The following NDST4 variants were observed in gnomAD, a reference collection of about 807,000 sequenced individuals.
NDST4 encodes N-heparan sulfate sulfotransferase 4.
A neutral mutation model predicts 100.8 loss-of-function variants in NDST4; 63 were observed. That is an observed-to-expected ratio of 0.62 (90% CI 0.51 to 0.77). The LOEUF is 0.77. Among genes scored for constraint, NDST4 ranks in the 30% least tolerant of loss-of-function variants. The pLI is 0.00. For missense variants in NDST4, 943 were observed against 1,018.4 expected (o/e 0.93, Z 1.01); for synonymous variants, 377 against 361.8 (o/e 1.04, Z -0.48).
intron 6 of NDST4, among the ~76,000 whole-genome samples, chr4:114,929,543 C>G (rs1366257153): frequency 6.6e-6 from 1 of 152,138 alleles, no homozygotes; most frequent in African/African-American, 2.4e-5. Flanking sequence ...CATCAATTTA[C>G]AATGACAAAG....
rs1578449236 is a variant in NDST4 at position 115,008,903 on chromosome 4, G to A, written c.979-31629C>T. Among the ~76,000 whole-genome samples, 2 of 127,860 alleles carry A rather than the reference G, an allele frequency of 1.6e-5. 1 individual carries two copies. Among genetic ancestry groups the A allele is most frequent in the East Asian group, 5.0e-4 (2 of 3,988 alleles). The allele number at this position is 127,860 out of a possible 152,430, so 83.9% of individuals were successfully genotyped here. ...TATACACCAATAACAGACAAACAGA[G>A]AGCCAAATCACGAGTGAACTCCTAT... On this transcript the variant is annotated intron_variant, in intron 2 of 13. Transcript: ENST00000264363.
At chr4:114,960,190 A>G (rs552826264) in intron 4 of NDST4, among the ~76,000 whole-genome samples, 175 of 152,356 alleles carry the variant, frequency 1.1e-3, no homozygotes, top group Middle Eastern at 3.4e-3. Context: ...TAGCGGTGAA[A>G]TAAATACATT....
At chr4:114,960,817 T>C (rs1726246347) in intron 4 of NDST4, among the ~76,000 whole-genome samples, 1 of 151,990 alleles carries the variant, frequency 6.6e-6, no homozygotes. Context: ...CAAGAACAAA[T>C]GAAGAGTAGA....
intron 6 of NDST4, among the ~76,000 whole-genome samples, chr4:114,875,950 A>G (rs189432844): frequency 6.6e-6 from 1 of 152,336 alleles, no homozygotes; most frequent in East Asian, 1.9e-4. Context: ...ATTGAAATTA[A>G]AAATCATTTT....
chr4:115,051,756 T>A (rs150640854), intron 2 of NDST4, among the ~76,000 whole-genome samples: 2 of 150,758 alleles, frequency 1.3e-5, no homozygotes, highest in African/African-American at 4.9e-5. Flanking sequence ...GTTGATTTTG[T>A]TCCTTTTGGA....
intron 2 of NDST4, among the ~76,000 whole-genome samples, chr4:115,012,115 A>G (rs968729836): frequency 1.3e-5 from 2 of 151,902 alleles, no homozygotes; most frequent in Non-Finnish European, 2.9e-5. Flanking sequence ...AAATAAAACA[A>G]TAACAAAAAA....
chr4:114,979,850 GA>G (rs532780417), intron 2 of NDST4, among the ~76,000 whole-genome samples: 5 of 151,536 alleles, frequency 3.3e-5, no homozygotes, highest in Admixed American at 1.3e-4. Context: ...CAAAACGAAT[GA>G]AAAAAAAGCA....
chr4:114,954,666 T>G (rs905417221), intron 4 of NDST4, among the ~76,000 whole-genome samples: 24 of 152,254 alleles, frequency 1.6e-4, no homozygotes, highest in Admixed American at 5.2e-4. Flanking sequence ...TTTCCTGGCT[T>G]TTATAATTTG....
At chr4:114,909,378 T>C (rs1343662059) in intron 6 of NDST4, among the ~76,000 whole-genome samples, 2 of 152,102 alleles carry the variant, frequency 1.3e-5, no homozygotes, top group African/African-American at 4.8e-5. Flanking sequence ...GCTAAATTAT[T>C]GGCCGGGCGC....
At chr4:115,112,745 A>G (rs889316744) in intron 1 of NDST4, among the ~76,000 whole-genome samples, 1 of 152,070 alleles carries the variant, frequency 6.6e-6, no homozygotes, top group East Asian at 1.9e-4. Context: ...TTGTTTTCCA[A>G]CTTATTCTGT....
rs188357145 is a variant in NDST4, at chr4:115,079,950, T to G, written c.-246-2668A>C. ...TAAACTTTTTCAAAAAATTAAAAAT[T>G]TTCATCAAATATTTTAAATATTTTA... On this transcript the variant is annotated intron_variant, in intron 1 of 13. Transcript: ENST00000264363. 6.5e-3 allele frequency among the ~76,000 whole-genome samples: 997 copies of G among 152,220 alleles called. 5 individuals are homozygous for G. Among genetic ancestry groups the G allele is most frequent in the Non-Finnish European group, 0.012 (794 of 68,012 alleles).
At chr4:114,882,224 G>T (rs1286822747) in intron 6 of NDST4, among the ~76,000 whole-genome samples, 1 of 151,696 alleles carries the variant, frequency 6.6e-6, no homozygotes, top group Non-Finnish European at 1.5e-5. Context: ...GTGGGTCAGG[G>T]TGACACTAGG....
chr4:114,953,161 A>G (rs950071078), intron 4 of NDST4, among the ~76,000 whole-genome samples: 1 of 152,118 alleles, frequency 6.6e-6, no homozygotes, highest in African/African-American at 2.4e-5. Flanking sequence ...GACTATGCAC[A>G]AGTCACATAA....
At chr4:114,861,990 A>G (rs1723928025) in intron 7 of NDST4, among the ~76,000 whole-genome samples, 1 of 152,188 alleles carries the variant, frequency 6.6e-6, no homozygotes, top group Non-Finnish European at 1.5e-5. Context: ...TTATATATAT[A>G]AGTATAGTTA....
intron 6 of NDST4, among the ~76,000 whole-genome samples, chr4:114,893,113 A>T (rs1724634940): frequency 6.6e-6 from 1 of 152,096 alleles, no homozygotes; most frequent in South Asian, 2.1e-4. Context: ...CATGGTGTAT[A>T]TGTAGCACAT....
At chr4:115,033,182 C>A in intron 2 of NDST4, among the ~76,000 whole-genome samples, 1 of 133,350 alleles carries the variant, frequency 7.5e-6, no homozygotes, top group Non-Finnish European at 1.6e-5. Context: ...GAAACAGGGT[C>A]TCACTCTTTT....
intron 6 of NDST4, among the ~76,000 whole-genome samples, chr4:114,875,230 C>T (rs1329706434): frequency 1.3e-5 from 2 of 152,164 alleles, no homozygotes; most frequent in East Asian, 3.9e-4. Context: ...GTTGTTGGCA[C>T]TTCTACCTAT....
chr4:115,036,534 T>C (rs558063172), intron 2 of NDST4, among the ~76,000 whole-genome samples: 83 of 151,826 alleles, frequency 5.5e-4, no homozygotes, highest in Non-Finnish European at 1.0e-3. Flanking sequence ...AGCAGACCAA[T>C]AAATATAAAA....
At chr4:115,089,014 T>G (rs148119608) in intron 1 of NDST4, among the ~76,000 whole-genome samples, 2 of 152,188 alleles carry the variant, frequency 1.3e-5, no homozygotes, top group Non-Finnish European at 2.9e-5. Context: ...TATTTAGAAT[T>G]GAATCTTCTG....
Sources: allele counts gnomAD v4.1 joint callset (sites outside exome capture counted in the v4.1 genomes callset), GRCh38; gene constraint gnomAD v4.1.1; transcripts MANE v1.5; gene names NCBI Gene and HGNC (gene_info 2026-07-23, HGNC 2026-07-21).